CPNE9: variants seen among roughly 807,000 people sequenced by gnomAD.
The protein encoded by CPNE9 is copine family member 9, also known as copine-9.
CPNE9 carries 59 observed loss-of-function variants against 83.0 expected under a neutral mutation model. That is an observed-to-expected ratio of 0.71 (90% CI 0.58 to 0.88). The LOEUF (loss-of-function observed/expected upper bound fraction) is 0.88. CPNE9 is among the 40% of genes least tolerant of loss of function. The pLI, the probability that CPNE9 is intolerant of heterozygous loss-of-function variation, is 0.00. For missense variants in CPNE9, 619 were observed against 720.8 expected, an observed-to-expected ratio of 0.86 and a Z score of 1.62; for synonymous variants, 256 against 273.4, an observed-to-expected ratio of 0.94 and a Z score of 0.63.
intron 17 of CPNE9, among the ~76,000 whole-genome samples, chr3:9,719,799 C>G (rs1575128809): frequency 6.6e-6 from 1 of 152,028 alleles, no homozygotes; most frequent in African/African-American, 2.4e-5. Context: ...CAAGACCAGC[C>G]TGGCCAAGAT....
chr3:9,729,537 T>C lies in CPNE9; in HGVS notation c.1507T>C (p.Ser503Pro), dbSNP rs1165607569. 1 of 1,613,894 alleles carries C rather than the reference T, an allele frequency of 6.2e-7. No homozygotes were observed. ...FVPFRDYVDR[S>P]GNQVLSMARL... ...CCCATTCCGAGACTATGTTGACCGGTCGGGGAACCAGGTGTTGAGCATGGC... is the reference window on the plus strand; with the variant it reads ...CCCATTCCGAGACTATGTTGACCGGCCGGGGAACCAGGTGTTGAGCATGGC... The change falls in exon 21 of 21, where the codon TCG (serine) becomes CCG (proline). Residue 503 changes from serine to proline, a missense_variant. This residue lies in a region of CPNE9 where 438 missense variants were observed against 562.9 expected (regional missense o/e 0.78). Transcript: ENST00000383832.
rs530508692 is a variant in CPNE9, at chr3:9,715,921, G to C, written c.823-53G>C. On this transcript the variant is annotated intron_variant, in intron 13 of 20. Transcript: ENST00000383832. ...GCCCCTATGGGCCTCACTTCCTTCTGCCACCCCAACTGCCTTTTCCAAAGT... is the reference window on the plus strand; with the variant it reads ...GCCCCTATGGGCCTCACTTCCTTCTCCCACCCCAACTGCCTTTTCCAAAGT... 7.2e-5 allele frequency: 110 copies of C among 1,529,714 alleles called. No homozygotes were observed. The East Asian group carries it at 2.5e-3, about 34-fold the overall frequency. 94.8% of individuals were successfully genotyped at this position (1,529,714 alleles called of 1,614,324 possible).
rs1469783739 is a variant in CPNE9 at position 9,718,585 on chromosome 3, C to T, written c.1224C>T (p.Val408=). 1 of 1,612,926 alleles carries T rather than the reference C, an allele frequency of 6.2e-7. No homozygotes were observed. The highest frequency in any genetic ancestry group is 1.7e-5 in the Admixed American group (1 of 59,990). The change falls in exon 17 of 21, where the codon GTC becomes GTT. Residue 408 remains valine (V), a synonymous_variant. Coordinates refer to ENST00000383832, the MANE Select transcript of CPNE9 (RefSeq NM_153635.3). Reference sequence around the variant, plus strand: ...ATGGGCCCACCTACTTTGCTCCTGTCATCAACCAAGTGGCCAGGTAAGGGA... The same window carrying T: ...ATGGGCCCACCTACTTTGCTCCTGTTATCAACCAAGTGGCCAGGTAAGGGA... ...QLYGPTYFAP[V]INQVARAAAK...
At chr3:9,715,945 G>A (rs1406240733) in intron 13 of CPNE9, 29 bp from the exon 14 acceptor site, 8 of 1,604,370 alleles carry the variant, frequency 5.0e-6, no homozygotes, top group Non-Finnish European at 6.8e-6. Flanking sequence ...CTTTTCCAAA[G>A]TGCCAGGGCT....
At chr3:9,718,258 A>G in intron 16 of CPNE9, 48 bp downstream of exon 16, 2 of 1,532,672 alleles carry the variant, frequency 1.3e-6, no homozygotes, top group Non-Finnish European at 1.8e-6. Context: ...CATCTGGTTC[A>G]CCCAAGTTGA....
In CPNE9 at chr3:9,712,538, C is replaced by T. The variant is rs1420889086; in HGVS notation, c.378-3C>T. 2.5e-6 allele frequency: 4 copies of T among 1,613,728 alleles called. No homozygotes were observed. Among genetic ancestry groups the T allele is most frequent in the South Asian group, 1.1e-5 (1 of 91,080 alleles). On this transcript the variant is annotated splice_polypyrimidine_tract_variant and splice_region_variant and intron_variant, in intron 7 of 20. Coordinates refer to ENST00000383832, the MANE Select transcript of CPNE9 (RefSeq NM_153635.3). ...CTCACTAAGAGGCTTTTTCTGCTTC[C>T]AGGGGTGTACCAGGCAAGAAGTGTG...
At position 9,716,995 on chromosome 3, in the gene CPNE9, T is replaced by A. The variant is rs553423007; in HGVS notation, c.885-63T>A. 6.5e-6 allele frequency: 10 copies of A among 1,543,302 alleles called. No individual in the cohort carries two copies. In the East Asian group the frequency reaches 1.6e-4, roughly 24 times the overall value. ...CGTGATCCATATGCACATTACTGTT[T>A]GAGAAATAGTGATGTAATAATCATT... is the stretch of plus-strand genomic sequence containing the variant. On this transcript the variant is annotated intron_variant, in intron 14 of 20. Transcript: ENST00000383832.
chr3:9,718,057 C>A lies in CPNE9; in HGVS notation c.960C>A (p.His320Gln). ...ATCCTCTGCAGCCTACCTCCCTGCA[C>A]TACATGAGTCCCTACCAGCTCAGCG... ...NGNPLQPTSL[H>Q]YMSPYQLSAY... The change falls in exon 16 of 21, where the codon CAC becomes CAA. Residue 320 changes from histidine to glutamine, a missense_variant. His to Gln is a conservative substitution (Grantham distance 24). Transcript: ENST00000383832. 6.2e-7 allele frequency: 1 copy of A among 1,613,676 alleles called. No individual in the cohort carries two copies. Among genetic ancestry groups the A allele is most frequent in the Non-Finnish European group, 8.5e-7 (1 of 1,179,742 alleles).
chr3:9,709,753 G>A (rs915967088), intron 7 of CPNE9, among the ~76,000 whole-genome samples: 1 of 151,822 alleles, frequency 6.6e-6, no homozygotes, highest in African/African-American at 2.4e-5. Flanking sequence ...CCTCCTAAAG[G>A]TGGAGGCAGG....
chr3:9,704,521 C>G lies in CPNE9; in HGVS notation c.69-66C>G. 7.1e-7 allele frequency: 1 copy of G among 1,403,064 alleles called. No individual in the cohort carries two copies. Among genetic ancestry groups the G allele is most frequent in the Non-Finnish European group, 1.0e-6 (1 of 987,414 alleles). The allele number at this position is 1,403,064 out of a possible 1,614,324, so 86.9% of individuals were successfully genotyped here. A position where few individuals can be genotyped will look rare whatever the true frequency, so the allele number is the denominator to read the frequency against. ...CCATGCCTCTCCTCAGTGCCCGGCT[C>G]AGAGCCGACTCGAGGCGGGCGGACT... On this transcript the variant is annotated intron_variant, in intron 1 of 20. Coordinates refer to ENST00000383832, the MANE Select transcript of CPNE9 (RefSeq NM_153635.3). The surrounding 1 kb of genome is among the most constrained non-coding windows in gnomAD (Gnocchi z 7.1).
In CPNE9 at chr3:9,712,954, AT is replaced by A. The variant is rs763381372; in HGVS notation, c.546-19del. On this transcript the variant is annotated intron_variant, in intron 9 of 20. Coordinates refer to ENST00000383832, the MANE Select transcript of CPNE9 (RefSeq NM_153635.3). ...CCCGGGCACGAGATAAATTATACCAATTCTTCCCACTCCCCTCCAGGTTCAC... is the reference window on the plus strand; with the variant it reads ...CCCGGGCACGAGATAAATTATACCAATCTTCCCACTCCCCTCCAGGTTCAC... The A allele has an allele frequency of 1.2e-6, 2 of 1,605,836 alleles. No homozygotes were observed. The highest frequency in any genetic ancestry group is 1.1e-5 in the South Asian group (1 of 90,894).
At chr3:9,710,057 T>C (rs932507163) in intron 7 of CPNE9, among the ~76,000 whole-genome samples, 1 of 150,066 alleles carries the variant, frequency 6.7e-6, no homozygotes, top group Non-Finnish European at 1.5e-5. Context: ...CCGGGCATAG[T>C]GTAATCCCAG....
chr3:9,726,830 GT>G, intron 19 of CPNE9, 108 bp downstream of exon 19: 1 of 1,003,460 alleles, frequency 1.0e-6, no homozygotes, highest in Non-Finnish European at 1.6e-6. Context: ...AGACACCCCC[GT>G]GTGAAGCCTT....
In CPNE9 at chr3:9,718,149, C is replaced by A. The variant is rs1299591808; in HGVS notation, c.1052C>A (p.Pro351Gln). 2 of 1,613,972 alleles carry A rather than the reference C, an allele frequency of 1.2e-6. No individual in the cohort carries two copies. The highest frequency in any genetic ancestry group is 1.7e-6 in the Non-Finnish European group (2 of 1,179,968). The change falls in exon 16 of 21, where the codon CCA becomes CAA. Residue 351 changes from proline to glutamine, a missense_variant. By Grantham distance (76) the Pro-to-Gln change is moderately conservative (BLOSUM62 -1). Transcript: ENST00000383832. ...IQDYDSDKLF[P>Q]AYGFGAKLPP... ...GACTATGACAGTGATAAGCTCTTCC[C>A]AGCTTATGGCTTTGGGGCCAAGCTG... is the stretch of plus-strand genomic sequence containing the variant.
At chr3:9,715,390 C>A in intron 12 of CPNE9, 26 bp downstream of exon 12, 1 of 1,613,714 alleles carries the variant, frequency 6.2e-7, no homozygotes, top group Admixed American at 1.7e-5. Flanking sequence ...CTGCCCAGGT[C>A]ACCCAGGCCC....
At chr3:9,714,869 G>A in intron 10 of CPNE9, 45 bp from the exon 11 acceptor site, 1 of 1,537,912 alleles carries the variant, frequency 6.5e-7, no homozygotes, top group Non-Finnish European at 9.0e-7. Context: ...GTGTCTCTGG[G>A]ATTTATCATA....
At chr3:9,726,801 C>G (rs544577340) in intron 19 of CPNE9, 79 bp downstream of exon 19, 199 of 1,285,258 alleles carry the variant, frequency 1.5e-4, no homozygotes, top group Admixed American at 5.8e-4. Context: ...TTGGGCCTGC[C>G]TCACAGATGA....
rs983811371 is a variant in CPNE9 at position 9,704,415 on chromosome 3, G to T, written c.69-172G>T. Reference sequence around the variant, plus strand: ...CGCAGAGCCATGGTTCCTGGACAGCGATTTCCGGTGCTGTCCAGAGTGCTG... The same window carrying T: ...CGCAGAGCCATGGTTCCTGGACAGCTATTTCCGGTGCTGTCCAGAGTGCTG... On this transcript the variant is annotated intron_variant, in intron 1 of 20. Transcript: ENST00000383832. This position sits in a 1 kb window ranked among gnomAD's most constrained non-coding sequence, Gnocchi z 7.1. Among the ~76,000 whole-genome samples, 1 of 152,200 alleles carries T rather than the reference G, an allele frequency of 6.6e-6. No individual in the cohort carries two copies. The highest frequency in any genetic ancestry group is 2.4e-5 in the African/African-American group (1 of 41,456).
At chr3:9,727,306 A>G (rs755365491) in intron 20 of CPNE9, 120 bp downstream of exon 20, 95 of 1,061,558 alleles carry the variant, frequency 8.9e-5, no homozygotes, top group Non-Finnish European at 1.4e-4. Flanking sequence ...TCACTCTTTC[A>G]TCCTTTCTCA....
Sources: gnomAD v4.1 joint callset for allele counts (sites outside exome capture counted in the v4.1 genomes callset) on GRCh38, gnomAD v4.1.1 for gene constraint, gnomAD v4.1.1 regional missense constraint, Gnocchi (gnomAD v3.1) non-coding constraint, MANE v1.5 for transcripts, NCBI Gene and HGNC (gene_info 2026-07-23, HGNC 2026-07-21) for gene names.